UFM1: variants seen among roughly 807,000 people sequenced by gnomAD.
The protein encoded by UFM1 is ubiquitin-fold modifier 1.
A neutral mutation model predicts 15.4 loss-of-function variants in UFM1; 9 were observed. The observed-to-expected ratio is 0.59, with a 90% CI of 0.35 to 1.02. The LOEUF is 1.02. UFM1 is among the 50% of genes least tolerant of loss of function. The pLI is 0.02. For synonymous variants in UFM1, 27 were observed against 36.3 expected (o/e 0.74, Z 0.92); for missense variants, 98 against 104.7 (o/e 0.94, Z 0.28).
At chr13:38,349,958 C>G in intron 1 of UFM1, 37 bp downstream of exon 1, 1 of 1,614,050 alleles carries the variant, frequency 6.2e-7, no homozygotes, top group Non-Finnish European at 8.5e-7. Flanking sequence ...AATTCCTGGT[C>G]CAGCTGCCCG....
Position 38,361,189 on chromosome 13 carries a change from C to T in UFM1, c.*411C>T, listed in dbSNP as rs1469782767. Reference sequence around the variant, plus strand: ...CCCTGGATGGCAATTTGCTTGATAGCATCTGATTTGCAGACTCATAATTTG... The same window carrying T: ...CCCTGGATGGCAATTTGCTTGATAGTATCTGATTTGCAGACTCATAATTTG... On this transcript the variant is annotated 3_prime_UTR_variant, in exon 6 of 6. Coordinates refer to ENST00000239878, the MANE Select transcript of UFM1 (RefSeq NM_016617.4). 1 of 153,924 alleles carries T rather than the reference C, an allele frequency of 6.5e-6. No homozygotes were observed. Among genetic ancestry groups the T allele is most frequent in the Non-Finnish European group, 1.4e-5 (1 of 69,436 alleles). The allele number at this position is 153,924 out of a possible 1,614,324, so 9.5% of individuals were successfully genotyped here.
At chr13:38,358,047 GT>G in intron 3 of UFM1, 45 bp from the exon 4 acceptor site, 1 of 776,462 alleles carries the variant, frequency 1.3e-6, no homozygotes, top group Non-Finnish European at 1.8e-6. Flanking sequence ...TTGTGTGTGT[GT>G]GTGTGTGTGT....
In UFM1 at chr13:38,363,026, T is replaced by G. The variant is rs2140067776; in HGVS notation, c.*2248T>G. On this transcript the variant is annotated 3_prime_UTR_variant, in exon 6 of 6. Transcript: ENST00000239878. The stretch of plus-strand genomic sequence containing the variant: ...AAACCATATTGTCTGTTCTTATTAT[T>G]AGAGCTCTTAATCAGCACACCTTTT... The G allele has an allele frequency of 2.0e-5, 3 of 152,316 alleles. No individual in the cohort carries two copies. In the South Asian group the frequency reaches 6.2e-4, roughly 32 times the overall value. 9.4% of individuals were successfully genotyped at this position (152,316 alleles called of 1,614,324 possible). A position where few individuals can be genotyped will look rare whatever the true frequency, so the allele number is the denominator to read the frequency against.
Sources: gnomAD v4.1 joint callset for allele counts on GRCh38, gnomAD v4.1.1 for gene constraint, MANE v1.5 for transcripts, NCBI Gene and HGNC (gene_info 2026-07-23, HGNC 2026-07-21) for gene names.